Variants in DMD observed in about 807,000 individuals in gnomAD.
DMD encodes the protein dystrophin.
Under a neutral mutation model 330.1 loss-of-function variants are expected in DMD, and 63 were observed. That is an observed-to-expected ratio of 0.19 (90% CI 0.16 to 0.24). The LOEUF is 0.24. DMD is among the 10% of genes least tolerant of loss of function. The probability of loss-of-function intolerance (pLI) is 1.00; values close to 1 mark genes in which losing one functional copy is unlikely to be tolerated. For missense variants in DMD, 3,344 were observed against 2,684.1 expected (o/e 1.25, Z -5.43); for synonymous variants, 1,223 against 959.8 (o/e 1.27, Z -5.07).
intron 6 of DMD, among the ~76,000 whole-genome samples, chrX:32,815,179 G>A (rs1331764653): frequency 9.1e-6 from 1 of 110,239 alleles, no homozygotes; most frequent in Admixed American, 9.8e-5. Flanking sequence ...TCCAGCTGGA[G>A]CAAGACACCT....
intron 67 of DMD, among the ~76,000 whole-genome samples, chrX:31,188,968 T>C (rs1445641257): frequency 7.2e-5 from 8 of 111,838 alleles, no homozygotes; most frequent in Non-Finnish European, 1.5e-4. Context: ...GGGCATTACA[T>C]GGCAAGTTTG....
chrX:32,555,442 G>A (rs1005484208), intron 16 of DMD, among the ~76,000 whole-genome samples: 7 of 111,587 alleles, frequency 6.3e-5, no homozygotes, highest in African/African-American at 2.3e-4. Context: ...TCTGACCAGG[G>A]CAATCAGGGA....
At position 33,008,516 on chromosome X, in the gene DMD, G is replaced by C. The variant is rs775139035; in HGVS notation, c.93+11623C>G. Among the ~76,000 whole-genome samples, 12 of 110,451 alleles carry C rather than the reference G, an allele frequency of 1.1e-4. No homozygotes were observed. The East Asian group carries it at 3.2e-3, about 29-fold the overall frequency. ...TGCTGAAGCAAAGTAAAGCACAAAA[G>C]AGAGATTGAAAGACTCTGTAGGTCA... On this transcript the variant is annotated intron_variant, in intron 2 of 78. Coordinates refer to ENST00000357033, the MANE Select transcript of DMD (RefSeq NM_004006.3).
intron 55 of DMD, among the ~76,000 whole-genome samples, chrX:31,538,586 T>A (rs1168093801): frequency 8.9e-6 from 1 of 112,191 alleles, no homozygotes; most frequent in East Asian, 2.8e-4. Flanking sequence ...GAATTTTTTG[T>A]ATTATTGATT....
intron 50 of DMD, among the ~76,000 whole-genome samples, chrX:31,818,648 C>T (rs1826440553): frequency 9.1e-6 from 1 of 110,230 alleles, no homozygotes; most frequent in Non-Finnish European, 1.9e-5. Flanking sequence ...TATGCATATG[C>T]GCTGAGGGAA....
chrX:33,252,677 T>C (rs1278136048), intron 1 of DMD, among the ~76,000 whole-genome samples: 1 of 110,863 alleles, frequency 9.0e-6, no homozygotes, highest in East Asian at 2.8e-4. Context: ...TGGTTTGCAT[T>C]TTGCTATTCA....
chrX:31,707,118 T>A (rs1277287678), intron 52 of DMD, among the ~76,000 whole-genome samples: 1 of 110,768 alleles, frequency 9.0e-6, no homozygotes, highest in South Asian at 3.9e-4. Context: ...TGCTGTTTAA[T>A]AAGCTAACCG....
chrX:32,907,967 T>C (rs2086868031), intron 2 of DMD, among the ~76,000 whole-genome samples: 3 of 111,418 alleles, frequency 2.7e-5, no homozygotes, highest in South Asian at 7.5e-4. Flanking sequence ...AATCTACACA[T>C]GACACATCTC....
chrX:32,336,054 CGTTATATATAACGTGTGTATAACAT>C (rs1569558558), intron 41 of DMD, among the ~76,000 whole-genome samples: 12 of 42,101 alleles, frequency 2.9e-4, no homozygotes, highest in Admixed American at 1.8e-3. Context: ...GTATATATAA[CGTTATATATAACGTGTGTATAACAT>C]GTTATATATA....
At chrX:31,694,946 T>C (rs1280190294) in intron 52 of DMD, among the ~76,000 whole-genome samples, 1 of 108,383 alleles carries the variant, frequency 9.2e-6, no homozygotes, top group Non-Finnish European at 1.9e-5. Flanking sequence ...AAGGAGGGAG[T>C]GTATTGAAGA....
intron 47 of DMD, among the ~76,000 whole-genome samples, chrX:31,883,942 A>G (rs1313542519): frequency 9.0e-6 from 1 of 111,324 alleles, no homozygotes; most frequent in African/African-American, 3.3e-5. Context: ...CAAAGCCAAA[A>G]TAAGATATCA....
intron 19 of DMD, among the ~76,000 whole-genome samples, chrX:32,501,055 G>T (rs1310402010): frequency 8.9e-6 from 1 of 112,032 alleles, no homozygotes; most frequent in Non-Finnish European, 1.9e-5. Flanking sequence ...TGGAAATATA[G>T]TAGTATAGCA....
chrX:31,176,783 C>G (rs773388468), intron 71 of DMD, among the ~76,000 whole-genome samples: 7 of 111,264 alleles, frequency 6.3e-5, no homozygotes, highest in Admixed American at 1.9e-4. Context: ...TAATATACTA[C>G]TTATAGCTAC....
chrX:33,069,128 T>G (rs1479477281), intron 1 of DMD, among the ~76,000 whole-genome samples: 1 of 112,088 alleles, frequency 8.9e-6, no homozygotes, highest in Non-Finnish European at 1.9e-5. Flanking sequence ...TTGGTGCTAA[T>G]TGCTTTACAC....
At chrX:32,152,846 T>A (rs755863346) in intron 44 of DMD, among the ~76,000 whole-genome samples, 1 of 112,039 alleles carries the variant, frequency 8.9e-6, no homozygotes, top group South Asian at 3.7e-4. Context: ...AGAAAAACAA[T>A]TTTAGTATAT....
chrX:32,090,210 CA>C (rs1319399000), intron 44 of DMD, among the ~76,000 whole-genome samples: 1 of 111,612 alleles, frequency 9.0e-6, no homozygotes, highest in Non-Finnish European at 1.9e-5. Context: ...CAAAGTTTAC[CA>C]GAACAAATCA....
intron 43 of DMD, among the ~76,000 whole-genome samples, chrX:32,217,922 G>A (rs2097119201): frequency 9.0e-6 from 1 of 111,635 alleles, no homozygotes. Context: ...TTAAATAACC[G>A]ATATACTAAA....
At chrX:33,111,666 G>A (rs2095340518) in intron 1 of DMD, among the ~76,000 whole-genome samples, 1 of 111,814 alleles carries the variant, frequency 8.9e-6, no homozygotes, top group South Asian at 3.7e-4. Context: ...GAGTGCGATG[G>A]CATAGTGTTG....
intron 1 of DMD, among the ~76,000 whole-genome samples, chrX:33,293,661 C>T (rs982616707): frequency 2.7e-5 from 3 of 111,364 alleles, no homozygotes; most frequent in African/African-American, 9.8e-5. Flanking sequence ...AGCCCTCTCT[C>T]GATACCTGCC....
Sources: allele counts gnomAD v4.1 joint callset (sites outside exome capture counted in the v4.1 genomes callset), GRCh38; gene constraint gnomAD v4.1.1; transcripts MANE v1.5; gene names NCBI Gene and HGNC (gene_info 2026-07-23, HGNC 2026-07-21).